The following SHTN1 variants were observed in gnomAD, a reference collection of about 807,000 sequenced individuals.
The protein encoded by SHTN1 is shootin 1.
A neutral mutation model predicts 83.1 loss-of-function variants in SHTN1; 42 were observed. The observed-to-expected ratio is 0.51, with a 90% CI of 0.39 to 0.65. The LOEUF (loss-of-function observed/expected upper bound fraction) is 0.65. Among genes scored for constraint, SHTN1 ranks in the 30% least tolerant of loss-of-function variants. SHTN1 has a pLI of 0.00. For missense variants in SHTN1, 622 were observed against 737.8 expected, an observed-to-expected ratio of 0.84 and a Z score of 1.82; for synonymous variants, 224 against 247.7, an observed-to-expected ratio of 0.90 and a Z score of 0.90.
intron 1 of SHTN1, among the ~76,000 whole-genome samples, chr10:117,089,155 G>A (rs1374722902): frequency 6.6e-6 from 1 of 152,148 alleles, no homozygotes; most frequent in Non-Finnish European, 1.5e-5. Flanking sequence ...TGGCTGTTGA[G>A]GGTAGGAGAA....
intron 2 of SHTN1, among the ~76,000 whole-genome samples, chr10:117,014,721 A>T (rs1020682947): frequency 6.6e-6 from 1 of 152,252 alleles, no homozygotes; most frequent in African/African-American, 2.4e-5. Context: ...TAAAAACCAT[A>T]GGTCTCATGG....
chr10:117,105,178 C>A (rs541124975), intron 1 of SHTN1, among the ~76,000 whole-genome samples: 1 of 152,224 alleles, frequency 6.6e-6, no homozygotes, highest in African/African-American at 2.4e-5. Flanking sequence ...TGTGAACATA[C>A]CATGTCCTCA....
chr10:116,933,331 C>T (rs1170179405), intron 9 of SHTN1, among the ~76,000 whole-genome samples: 2 of 151,902 alleles, frequency 1.3e-5, no homozygotes, highest in Non-Finnish European at 2.9e-5. Context: ...CCCCACCCCC[C>T]GACAGGCCCT....
At chr10:117,069,392 G>C (rs1454769093) in intron 1 of SHTN1, among the ~76,000 whole-genome samples, 1 of 152,086 alleles carries the variant, frequency 6.6e-6, no homozygotes. Context: ...AAGTGGCCTG[G>C]CTCTGAAGGG....
chr10:117,017,613 G>A (rs1413024957), intron 2 of SHTN1, among the ~76,000 whole-genome samples: 3 of 152,006 alleles, frequency 2.0e-5, no homozygotes, highest in Admixed American at 6.6e-5. Context: ...TAATGAGGAA[G>A]AAGGAAAAAA....
intron 1 of SHTN1, among the ~76,000 whole-genome samples, chr10:116,993,046 C>T (rs56916100): frequency 0.017 from 1,867 of 110,976 alleles, 32 homozygotes; most frequent in African/African-American, 0.052. Flanking sequence ...GATGGAGTCT[C>T]GCTCTATTGC....
intron 2 of SHTN1, among the ~76,000 whole-genome samples, chr10:117,017,354 A>G (rs924484158): frequency 2.0e-5 from 3 of 151,628 alleles, no homozygotes; most frequent in Non-Finnish European, 4.4e-5. Context: ...AGCCGGGTGC[A>G]GTGGCGGGTG....
intron 8 of SHTN1, among the ~76,000 whole-genome samples, chr10:116,941,075 A>G (rs770804795): frequency 2.0e-5 from 3 of 152,180 alleles, no homozygotes; most frequent in Non-Finnish European, 2.9e-5. Context: ...TATAATCCTT[A>G]AAACAACACT....
At chr10:116,899,095 C>T (rs2133318369) in intron 16 of SHTN1, among the ~76,000 whole-genome samples, 1 of 152,086 alleles carries the variant, frequency 6.6e-6, no homozygotes, top group Non-Finnish European at 1.5e-5. Context: ...TGAAAGCCTA[C>T]CATAAGGCAG....
chr10:116,912,716 C>A (rs753744326), intron 13 of SHTN1, among the ~76,000 whole-genome samples: 4 of 152,146 alleles, frequency 2.6e-5, no homozygotes, highest in Admixed American at 6.5e-5. Context: ...CCTCGTACCA[C>A]TTCCTTTCAC....
chr10:116,952,495 T>G (rs1331183731), intron 5 of SHTN1, among the ~76,000 whole-genome samples: 4 of 152,234 alleles, frequency 2.6e-5, no homozygotes, highest in African/African-American at 9.6e-5. Context: ...TTATTTGAAC[T>G]GATTCAAAAT....
chr10:117,034,273 A>G (rs952081799), intron 2 of SHTN1, among the ~76,000 whole-genome samples: 6 of 152,172 alleles, frequency 3.9e-5, no homozygotes, highest in African/African-American at 1.4e-4. Flanking sequence ...GTAATCTTAT[A>G]TTTGGAGAAA....
chr10:116,906,652 C>A lies in SHTN1; in HGVS notation c.1455G>T (p.Lys485Asn). ...TACTGCTATCTGCTTCTGCTGTCACCTTTCTGCGACGCAAAATCCTTTCTA... is the reference window on the plus strand; with the variant it reads ...TACTGCTATCTGCTTCTGCTGTCACATTTCTGCGACGCAAAATCCTTTCTA... Reference protein sequence around the residue: ...TELERILRRRKVTAEADSSSP... With the variant: ...TELERILRRRNVTAEADSSSP... Residue 485 changes from lysine (K) to asparagine (N), a missense_variant, in exon 15 of 17, where the codon AAG (lysine) becomes AAT (asparagine). Physicochemically the swap from Lys to Asn is moderately conservative, Grantham distance 94. Transcript: ENST00000355371. 1 of 1,613,366 alleles carries A rather than the reference C, an allele frequency of 6.2e-7. No homozygotes were observed. The highest frequency in any genetic ancestry group is 1.1e-5 in the South Asian group (1 of 90,982).
intron 3 of SHTN1, among the ~76,000 whole-genome samples, chr10:116,961,781 G>A (rs1183275662): frequency 1.3e-5 from 2 of 152,168 alleles, no homozygotes. Flanking sequence ...GGAAGTGGCA[G>A]CCTTAATTGA....
chr10:116,979,634 A>C (rs538919376), intron 1 of SHTN1, among the ~76,000 whole-genome samples: 2 of 152,340 alleles, frequency 1.3e-5, no homozygotes, highest in African/African-American at 2.4e-5. Context: ...TGAGCCCACC[A>C]AACTAAATTT....
intron 2 of SHTN1, among the ~76,000 whole-genome samples, chr10:116,971,515 G>A (rs1344409295): frequency 2.6e-5 from 4 of 152,082 alleles, no homozygotes; most frequent in African/African-American, 7.2e-5. Context: ...CTGGCTAGCG[G>A]TTTCAGGAAT....
chr10:117,070,113 A>G (rs1350747717), intron 1 of SHTN1, among the ~76,000 whole-genome samples: 1 of 116,304 alleles, frequency 8.6e-6, no homozygotes, highest in Admixed American at 9.8e-5. Context: ...AAGTCTTAAA[A>G]ATCAAACTGC....
chr10:117,009,284 C>T (rs1852066781), upstream of SHTN1, among the ~76,000 whole-genome samples: 1 of 151,988 alleles, frequency 6.6e-6, no homozygotes, highest in African/African-American at 2.4e-5. Context: ...ATAGATAATA[C>T]ATAGCAAAAT....
chr10:117,069,437 G>T (rs1853049581), intron 1 of SHTN1, among the ~76,000 whole-genome samples: 1 of 152,030 alleles, frequency 6.6e-6, no homozygotes, highest in Non-Finnish European at 1.5e-5. Context: ...AAAGAATGTG[G>T]AACTGAGAAA....
Sources: gnomAD v4.1 joint callset for allele counts (sites outside exome capture counted in the v4.1 genomes callset) on GRCh38, gnomAD v4.1.1 for gene constraint, MANE v1.5 for transcripts, NCBI Gene and HGNC (gene_info 2026-07-23, HGNC 2026-07-21) for gene names.